The following CDK14 variants were observed in gnomAD, a reference collection of about 807,000 sequenced individuals.
CDK14 encodes the protein cyclin-dependent kinase 14.
CDK14 carries 34 observed loss-of-function variants against 60.7 expected under a neutral mutation model. The ratio of observed to expected loss-of-function variants is 0.56; its 90% confidence interval spans 0.43 to 0.75. The LOEUF (loss-of-function observed/expected upper bound fraction) is 0.75, where lower values mean the gene tolerates loss of function less well. CDK14 is among the 30% of genes least tolerant of loss of function. CDK14 has a pLI of 0.00. For missense variants in CDK14, 482 were observed against 564.1 expected (o/e 0.85, Z 1.47); for synonymous variants, 197 against 203.7 (o/e 0.97, Z 0.28).
At chr7:91,034,055 GATTT>G (rs1002232303) in intron 10 of CDK14, among the ~76,000 whole-genome samples, 1 of 152,162 alleles carries the variant, frequency 6.6e-6, no homozygotes, top group Admixed American at 6.5e-5. Context: ...AGTAATTTTA[GATTT>G]ATTTATTTGT....
intron 2 of CDK14, among the ~76,000 whole-genome samples, chr7:90,719,683 A>G (rs1298681918): frequency 6.6e-6 from 1 of 152,214 alleles, no homozygotes; most frequent in African/African-American, 2.4e-5. Flanking sequence ...TCTCAAAGCA[A>G]GTTTGAAATT....
At chr7:90,948,433 A>G (rs935785333) in intron 8 of CDK14, among the ~76,000 whole-genome samples, 12 of 152,230 alleles carry the variant, frequency 7.9e-5, no homozygotes, top group African/African-American at 2.2e-4. Flanking sequence ...AGCATATATG[A>G]TATTCATACA....
At chr7:91,127,086 C>T (rs972447911) in intron 14 of CDK14, among the ~76,000 whole-genome samples, 5 of 152,040 alleles carry the variant, frequency 3.3e-5, no homozygotes, top group Non-Finnish European at 2.9e-5. Context: ...GCGGGCTTAA[C>T]TGGAGGGAGC....
At chr7:91,169,852 TG>T (rs1801459470) in intron 14 of CDK14, among the ~76,000 whole-genome samples, 1 of 152,246 alleles carries the variant, frequency 6.6e-6, no homozygotes, top group Admixed American at 6.5e-5. Context: ...AGTATAAAGT[TG>T]GTTAAAAAAA....
chr7:90,622,996 A>G (rs1258228446), intron 2 of CDK14, among the ~76,000 whole-genome samples: 1 of 147,070 alleles, frequency 6.8e-6, no homozygotes, highest in African/African-American at 2.5e-5. Flanking sequence ...TCTATTTATG[A>G]CAATTGTGTA....
At chr7:91,123,736 C>A (rs950723194) in intron 14 of CDK14, among the ~76,000 whole-genome samples, 1 of 152,036 alleles carries the variant, frequency 6.6e-6, no homozygotes, top group East Asian at 1.9e-4. Context: ...CCCTTCTTTT[C>A]TTTGGGTCAA....
chr7:90,862,046 A>G (rs1162815101), intron 5 of CDK14, among the ~76,000 whole-genome samples: 1 of 152,212 alleles, frequency 6.6e-6, no homozygotes, highest in Non-Finnish European at 1.5e-5. Flanking sequence ...AGAGAAATGG[A>G]CAAAAAATAA....
intron 5 of CDK14, among the ~76,000 whole-genome samples, chr7:90,827,430 G>T (rs559788802): frequency 6.6e-6 from 1 of 152,258 alleles, no homozygotes; most frequent in South Asian, 2.1e-4. Flanking sequence ...GCAGGTTTTT[G>T]CATGGACATA....
chr7:90,843,115 C>T (rs1790352830), intron 5 of CDK14, among the ~76,000 whole-genome samples: 1 of 152,118 alleles, frequency 6.6e-6, no homozygotes, highest in Non-Finnish European at 1.5e-5. Flanking sequence ...TTTACATTTT[C>T]TTCACTAAGA....
At chr7:90,700,623 T>G (rs1801763373) in intron 2 of CDK14, among the ~76,000 whole-genome samples, 2 of 152,172 alleles carry the variant, frequency 1.3e-5, no homozygotes, top group South Asian at 4.1e-4. Context: ...AGATAATAAC[T>G]CTGGTGCTAA....
At chr7:91,056,771 C>G (rs1374274414) in intron 11 of CDK14, among the ~76,000 whole-genome samples, 6 of 152,044 alleles carry the variant, frequency 3.9e-5, no homozygotes, top group African/African-American at 7.2e-5. Flanking sequence ...GTATTCCATG[C>G]TATATATGTG....
intron 14 of CDK14, among the ~76,000 whole-genome samples, chr7:91,153,870 C>G (rs1800896469): frequency 6.6e-6 from 1 of 151,990 alleles, no homozygotes; most frequent in Admixed American, 6.6e-5. Flanking sequence ...CATATGTACC[C>G]CTGAACTTAA....
intron 4 of CDK14, among the ~76,000 whole-genome samples, chr7:90,764,468 A>G (rs1359737393): frequency 1.3e-5 from 2 of 152,222 alleles, no homozygotes; most frequent in Non-Finnish European, 2.9e-5. Flanking sequence ...TCTATTTAGC[A>G]CTGGCTCATA....
chr7:90,859,565 G>T (rs1346270775), intron 5 of CDK14, among the ~76,000 whole-genome samples: 1 of 151,858 alleles, frequency 6.6e-6, no homozygotes, highest in Admixed American at 6.6e-5. Context: ...TTTTTTAAAA[G>T]ACTTTACATT....
At chr7:90,711,144 A>G (rs575323326) in intron 2 of CDK14, among the ~76,000 whole-genome samples, 36 of 152,004 alleles carry the variant, frequency 2.4e-4, no homozygotes, top group Non-Finnish European at 4.6e-4. Flanking sequence ...GTTCTGTATA[A>G]TTTTGTGACA....
At chr7:91,105,557 C>T (rs1799266330) in intron 12 of CDK14, among the ~76,000 whole-genome samples, 1 of 152,146 alleles carries the variant, frequency 6.6e-6, no homozygotes, top group Admixed American at 6.5e-5. Context: ...AGCCTCAGGC[C>T]TTTTGACAGA....
chr7:91,042,450 C>A (rs1470551377), intron 10 of CDK14, among the ~76,000 whole-genome samples: 1 of 152,162 alleles, frequency 6.6e-6, no homozygotes, highest in Non-Finnish European at 1.5e-5. Flanking sequence ...TTCATCACCA[C>A]CCCTGTTCAT....
intron 4 of CDK14, among the ~76,000 whole-genome samples, chr7:90,755,050 T>G (rs1237348015): frequency 6.6e-6 from 1 of 152,170 alleles, no homozygotes; most frequent in Non-Finnish European, 1.5e-5. Context: ...GGAAATCAGT[T>G]TGGAGATTTC....
chr7:90,912,888 A>G (rs1792954283), intron 7 of CDK14, among the ~76,000 whole-genome samples: 1 of 152,180 alleles, frequency 6.6e-6, no homozygotes, highest in Non-Finnish European at 1.5e-5. Flanking sequence ...TTGGGATTAC[A>G]GTTGTGAGCC....
Sources: allele counts gnomAD v4.1 joint callset (sites outside exome capture counted in the v4.1 genomes callset), GRCh38; gene constraint gnomAD v4.1.1; transcripts MANE v1.5; gene names NCBI Gene and HGNC (gene_info 2026-07-23, HGNC 2026-07-21).